XRN2: variants seen among roughly 807,000 people sequenced by gnomAD.
The protein encoded by XRN2 is DHM1-like protein.
A neutral mutation model predicts 138.5 loss-of-function variants in XRN2; 44 were observed. That is an observed-to-expected ratio of 0.32 (90% confidence interval 0.25 to 0.41). The LOEUF (loss-of-function observed/expected upper bound fraction) is 0.41. Among genes scored for constraint, XRN2 ranks in the 10% least tolerant of loss-of-function variants. XRN2 has a pLI of 1.00. For missense variants in XRN2, 937 were observed against 1,169.3 expected (o/e 0.80, Z 2.90); for synonymous variants, 354 against 369.4 (o/e 0.96, Z 0.48).
chr20:21,357,052 A>G (rs1373464041), intron 23 of XRN2, among the ~76,000 whole-genome samples: 1 of 152,194 alleles, frequency 6.6e-6, no homozygotes, highest in African/African-American at 2.4e-5. Context: ...TATTAATGAG[A>G]TTTTTGAAAG....
chr20:21,347,514 A>T (rs778718241), intron 17 of XRN2, among the ~76,000 whole-genome samples: 3 of 152,084 alleles, frequency 2.0e-5, no homozygotes, highest in South Asian at 2.1e-4. Flanking sequence ...ACCGTTAAGT[A>T]CTCTGTTTGC....
Position 21,389,459 on chromosome 20 carries a change from ACTG to A in XRN2, c.*122_*124del. 1 of 882,982 alleles carries A rather than the reference ACTG, an allele frequency of 1.1e-6. No individual in the cohort carries two copies. The highest frequency in any genetic ancestry group is 1.7e-6 in the Non-Finnish European group (1 of 588,114). 54.7% of individuals were successfully genotyped at this position (882,982 alleles called of 1,614,324 possible). On this transcript the variant is annotated 3_prime_UTR_variant, in exon 30 of 30. Transcript: ENST00000377191. ...TACAGTACTTTGTGTATTTCTTTTAACTGTGTATATTTCTACTGATCTGATCTC... is the reference window on the plus strand; with the variant it reads ...TACAGTACTTTGTGTATTTCTTTTAATGTATATTTCTACTGATCTGATCTC...
At chr20:21,321,859 A>T (rs1223411491) in intron 1 of XRN2, among the ~76,000 whole-genome samples, 1 of 152,176 alleles carries the variant, frequency 6.6e-6, no homozygotes, top group Non-Finnish European at 1.5e-5. Context: ...AAATCTTCTG[A>T]TAAGACTTTA....
rs1350156731 is a variant in XRN2, at chr20:21,376,623, T to C, written c.2585-5371T>C. Among the ~76,000 whole-genome samples, 4 of 152,094 alleles carry C rather than the reference T, an allele frequency of 2.6e-5. No individual in the cohort carries two copies. In the East Asian group the frequency reaches 7.7e-4, roughly 29 times the overall value. On this transcript the variant is annotated intron_variant, in intron 27 of 29. Transcript: ENST00000377191. Reference sequence around the variant, plus strand: ...AAGGAGAGATGATGAGGGTCTGAACTACACTGGCAGAGTGGATCCAAAGTC... The same window carrying C: ...AAGGAGAGATGATGAGGGTCTGAACCACACTGGCAGAGTGGATCCAAAGTC...
At chr20:21,378,487 G>GT (rs1349664041) in intron 27 of XRN2, among the ~76,000 whole-genome samples, 1 of 152,326 alleles carries the variant, frequency 6.6e-6, no homozygotes, top group East Asian at 1.9e-4. Flanking sequence ...CCTCTGACAG[G>GT]TTTGGTCATT....
At chr20:21,334,335 T>G in intron 13 of XRN2, 150 bp downstream of exon 13, 1 of 671,998 alleles carries the variant, frequency 1.5e-6, no homozygotes. Context: ...GTGCTTTGAT[T>G]ATTTTATAAA....
At position 21,354,623 on chromosome 20, in the gene XRN2, A is replaced by G. The variant is rs548627567; in HGVS notation, c.1937-166A>G. On this transcript the variant is annotated intron_variant, in intron 20 of 29. Transcript: ENST00000377191. ...TTTTTCTTCTGCAACTACAGGGGAA[A>G]TATTAGCATCTGAGTTTTGGCTTAA... is the stretch of plus-strand genomic sequence containing the variant. Among the ~76,000 whole-genome samples, 21 of 152,348 alleles carry G rather than the reference A, an allele frequency of 1.4e-4. 1 individual carries two copies. In the South Asian group the frequency reaches 4.3e-3, roughly 32 times the overall value.
intron 1 of XRN2, among the ~76,000 whole-genome samples, chr20:21,321,301 CTGTGTGTGTGTGTGTGTGTGTGTGTGTG>C (rs61188840): frequency 8.2e-6 from 1 of 121,426 alleles, no homozygotes; most frequent in African/African-American, 3.2e-5. Flanking sequence ...CTGTGCCTGG[CTGTGTGTGTGTGTGTGTGTGTGTGTGTG>C]TGTGTGTGTG....
intron 28 of XRN2, among the ~76,000 whole-genome samples, chr20:21,383,421 T>G (rs762919737): frequency 1.5e-4 from 23 of 152,230 alleles, no homozygotes; most frequent in Non-Finnish European, 2.8e-4. Flanking sequence ...TTAATAAGAA[T>G]GATTTCATTT....
intron 27 of XRN2, among the ~76,000 whole-genome samples, chr20:21,381,353 A>G (rs563852723): frequency 7.2e-5 from 11 of 152,280 alleles, no homozygotes; most frequent in African/African-American, 2.4e-4. Flanking sequence ...CTTTCATCCT[A>G]TATCCGTCAG....
chr20:21,315,037 T>C (rs1236088417), intron 1 of XRN2, among the ~76,000 whole-genome samples: 3 of 152,170 alleles, frequency 2.0e-5, no homozygotes, highest in African/African-American at 7.2e-5. Context: ...CACTCTGGGT[T>C]ATACACCTCA....
intron 16 of XRN2, 96 bp from the exon 17 acceptor site, chr20:21,346,319 G>A: frequency 6.8e-7 from 1 of 1,461,144 alleles, no homozygotes; most frequent in Non-Finnish European, 9.4e-7. Context: ...ATTTCCCCTG[G>A]GTATTAAATA....
At chr20:21,308,173 G>A (rs202823) in intron 1 of XRN2, among the ~76,000 whole-genome samples, 3,860 of 149,510 alleles carry the variant, frequency 0.026, 771 homozygotes, top group Non-Finnish European at 0.044. Context: ...CTGACCTCAA[G>A]TATCTGCCTG....
At chr20:21,354,971 C>T (rs1184552324) in intron 21 of XRN2, 99 bp downstream of exon 21, 2 of 900,358 alleles carry the variant, frequency 2.2e-6, no homozygotes, top group Admixed American at 2.8e-5. Context: ...TCAGATTTCC[C>T]ATAAAGGGGA....
chr20:21,339,053 A>C lies in XRN2; in HGVS notation c.1243A>C (p.Arg415=), dbSNP rs201900334. 1.1e-5 allele frequency: 17 copies of C among 1,605,692 alleles called. No individual in the cohort carries two copies. The East Asian group carries it at 3.8e-4, about 36-fold the overall frequency. The change falls in exon 14 of 30, where the codon AGA becomes CGA. Residue 415 remains arginine, a synonymous_variant. Coordinates refer to ENST00000377191, the MANE Select transcript of XRN2 (RefSeq NM_012255.5). The part of the protein sequence containing the change: ...KKRKDDEDSF[R]RRQKEKRKRM... ...GATTTTATACTTTTAGGACAGTTTT[A>C]GAAGACGACAGAAAGAAAAAAGAAA...
chr20:21,311,982 G>A (rs556846511), intron 1 of XRN2, among the ~76,000 whole-genome samples: 3 of 152,222 alleles, frequency 2.0e-5, no homozygotes, highest in East Asian at 1.9e-4. Flanking sequence ...GCGACAGAGC[G>A]AGCCTCTGTC....
intron 14 of XRN2, among the ~76,000 whole-genome samples, chr20:21,340,420 TA>T (rs2038355922): frequency 6.6e-6 from 1 of 152,212 alleles, no homozygotes; most frequent in African/African-American, 2.4e-5. Context: ...TCTGTAATTA[TA>T]AAAAGCAGTG....
At chr20:21,333,886 CTT>C in intron 11 of XRN2, 49 bp downstream of exon 11, 9 of 1,614,086 alleles carry the variant, frequency 5.6e-6, no homozygotes, top group African/African-American at 1.3e-5. Flanking sequence ...GGCTTCTTGA[CTT>C]TACTGTGCCT....
intron 16 of XRN2, among the ~76,000 whole-genome samples, chr20:21,345,911 C>T (rs904381577): frequency 2.7e-5 from 4 of 150,344 alleles, no homozygotes; most frequent in Non-Finnish European, 5.9e-5. Flanking sequence ...TAATTTCTGC[C>T]TAATGTCTAG....
Sources: allele counts gnomAD v4.1 joint callset (sites outside exome capture counted in the v4.1 genomes callset), GRCh38; gene constraint gnomAD v4.1.1; transcripts MANE v1.5; gene names NCBI Gene and HGNC (gene_info 2026-07-23, HGNC 2026-07-21).